The following IQGAP2 variants were observed in gnomAD, a reference collection of about 807,000 sequenced individuals.
The protein encoded by IQGAP2 is IQ motif containing GTPase activating protein 2.
In IQGAP2, 173 loss-of-function variants were observed where a neutral mutation model predicts 201.3. The ratio of observed to expected loss-of-function variants is 0.86; its 90% CI spans 0.76 to 0.98. The LOEUF (loss-of-function observed/expected upper bound fraction) is 0.98. Among genes scored for constraint, IQGAP2 ranks in the 50% least tolerant of loss-of-function variants. The pLI is 0.00. For missense variants in IQGAP2, 1,687 were observed against 1,864.8 expected, an observed-to-expected ratio of 0.90 and a Z score of 1.76; for synonymous variants, 675 against 673.9, an observed-to-expected ratio of 1.00 and a Z score of -0.03.
chr5:76,593,169 T>G (rs1208805130), intron 9 of IQGAP2, among the ~76,000 whole-genome samples: 1 of 152,246 alleles, frequency 6.6e-6, no homozygotes, highest in Non-Finnish European at 1.5e-5. Context: ...CCTTCCTGTT[T>G]CATTACATTC....
chr5:76,619,750 C>G (rs1749443170), intron 13 of IQGAP2, among the ~76,000 whole-genome samples: 1 of 152,030 alleles, frequency 6.6e-6, no homozygotes, highest in South Asian at 2.1e-4. Flanking sequence ...GATCTCCTGA[C>G]CTCGTGATCT....
chr5:76,678,425 T>TAA (rs112438447), intron 28 of IQGAP2, among the ~76,000 whole-genome samples: 1 of 143,818 alleles, frequency 7.0e-6, no homozygotes, highest in East Asian at 2.0e-4. Flanking sequence ...ACATTAAAAT[T>TAA]AAAAAAAAAA....
chr5:76,459,821 A>T lies in IQGAP2; in HGVS notation c.47-1749A>T, dbSNP rs181836047. On this transcript the variant is annotated intron_variant, in intron 1 of 35. Coordinates refer to ENST00000274364, the MANE Select transcript of IQGAP2 (RefSeq NM_006633.5). ...GCGCCTGGCTAATTTTTGTATTTTT[A>T]GTAGAGATGGGATTTCACCATGTTG... 2.9e-3 allele frequency among the ~76,000 whole-genome samples: 439 copies of T among 152,142 alleles called. 4 individuals are homozygous for T. Among genetic ancestry groups the T allele is most frequent in the African/African-American group, 9.9e-3 (412 of 41,530 alleles).
chr5:76,523,980 A>G lies in IQGAP2; in HGVS notation c.147-38416A>G, dbSNP rs1293460878. 2.0e-5 allele frequency among the ~76,000 whole-genome samples: 3 copies of G among 152,202 alleles called. No homozygotes were observed. In the East Asian group the frequency reaches 5.8e-4, roughly 29 times the overall value. ...GTCCATTACCCTGTGACCTTTTACC[A>G]ATACAGGTAAGAAATCTTAAACTCA... On this transcript the variant is annotated intron_variant, in intron 2 of 35. Transcript: ENST00000274364.
Position 76,641,088 on chromosome 5 carries a change from T to G in IQGAP2, c.2079T>G (p.Asn693Lys), listed in dbSNP as rs201322324. The G allele has an allele frequency of 1.5e-4, 237 of 1,601,038 alleles. 3 individuals carry two copies. In the Middle Eastern group the frequency reaches 1.7e-3, roughly 11 times the overall value. The change falls in exon 17 of 36, where the codon AAT (asparagine) becomes AAG (lysine). Residue 693 changes from asparagine to lysine, a missense_variant. Asn to Lys is a moderately conservative substitution (Grantham distance 94). Coordinates refer to ENST00000274364, the MANE Select transcript of IQGAP2 (RefSeq NM_006633.5). ...RKSFLHEQEE[N>K]VVKIQAFWKG... ...CATTTTTGCATGAACAAGAAGAGAATGTGGTCAAAATACAGGTATGTGGAT... is the reference window on the plus strand; with the variant it reads ...CATTTTTGCATGAACAAGAAGAGAAGGTGGTCAAAATACAGGTATGTGGAT...
At chr5:76,551,715 G>C (rs534199707) in intron 2 of IQGAP2, among the ~76,000 whole-genome samples, 4 of 152,028 alleles carry the variant, frequency 2.6e-5, no homozygotes, top group Non-Finnish European at 2.9e-5. Flanking sequence ...CCAGTCAGGC[G>C]TGGCTGCGCG....
At chr5:76,517,371 C>A (rs1326743380) in intron 2 of IQGAP2, among the ~76,000 whole-genome samples, 1 of 152,140 alleles carries the variant, frequency 6.6e-6, no homozygotes, top group Non-Finnish European at 1.5e-5. Context: ...TAACTGCATT[C>A]AACTCTTCAA....
intron 1 of IQGAP2, among the ~76,000 whole-genome samples, chr5:76,460,265 G>A (rs994464110): frequency 6.6e-6 from 1 of 152,200 alleles, no homozygotes; most frequent in Non-Finnish European, 1.5e-5. Flanking sequence ...GGCACCACCT[G>A]CAGAAGGTGG....
intron 2 of IQGAP2, among the ~76,000 whole-genome samples, chr5:76,527,757 G>T (rs1224590327): frequency 1.3e-5 from 2 of 152,106 alleles, no homozygotes; most frequent in Admixed American, 6.5e-5. Context: ...GCAAGCAAAG[G>T]GAAGAAATGT....
chr5:76,506,913 C>A (rs1273655526), intron 2 of IQGAP2, among the ~76,000 whole-genome samples: 2 of 152,108 alleles, frequency 1.3e-5, no homozygotes, highest in African/African-American at 4.8e-5. Context: ...AGATAGGAAC[C>A]CTCCATGTTG....
intron 17 of IQGAP2, among the ~76,000 whole-genome samples, chr5:76,644,295 C>CTTTTTTT (rs547155944): frequency 0.02 from 953 of 47,658 alleles, 217 homozygotes; most frequent in Non-Finnish European, 0.025. Flanking sequence ...TTTGTAAATC[C>CTTTTTTT]TTTTTTTTTT....
chr5:76,659,224 T>C (rs1203481367), intron 21 of IQGAP2, among the ~76,000 whole-genome samples: 1 of 152,204 alleles, frequency 6.6e-6, no homozygotes, highest in African/African-American at 2.4e-5. Flanking sequence ...TGAAATGAAA[T>C]CTATATGATA....
intron 2 of IQGAP2, among the ~76,000 whole-genome samples, chr5:76,521,364 A>G (rs1264303335): frequency 6.6e-6 from 1 of 152,144 alleles, no homozygotes; most frequent in Non-Finnish European, 1.5e-5. Flanking sequence ...TTACGTCACT[A>G]TTTCCTATTT....
chr5:76,588,952 T>C lies in IQGAP2; in HGVS notation c.505T>C (p.Leu169=). Reference sequence around the variant, plus strand: ...AATAGCACCCCAGATCCAGGATTTGTTGGGCAAAGTAGACTTCACAGGTAC... The same window carrying C: ...AATAGCACCCCAGATCCAGGATTTGCTGGGCAAAGTAGACTTCACAGGTAC... The part of the protein sequence containing the change: ...LGIAPQIQDL[L]GKVDFTEEEI... Residue 169 remains leucine (L), a synonymous_variant, in exon 6 of 36, where the codon TTG becomes CTG. Coordinates refer to ENST00000274364, the MANE Select transcript of IQGAP2 (RefSeq NM_006633.5). 5 of 1,608,878 alleles carry C rather than the reference T, an allele frequency of 3.1e-6. No homozygotes were observed. Among genetic ancestry groups the C allele is most frequent in the Non-Finnish European group, 4.3e-6 (5 of 1,175,806 alleles).
chr5:76,565,751 C>G (rs548358575), intron 3 of IQGAP2, among the ~76,000 whole-genome samples: 2 of 152,300 alleles, frequency 1.3e-5, no homozygotes, highest in African/African-American at 4.8e-5. Context: ...GATTCCATTC[C>G]TTTTCTTACC....
At position 76,532,547 on chromosome 5, in the gene IQGAP2, A is replaced by G. The variant is rs552338283; in HGVS notation, c.147-29849A>G. 2.0e-5 allele frequency among the ~76,000 whole-genome samples: 3 copies of G among 152,150 alleles called. No individual in the cohort carries two copies. The South Asian group carries it at 6.2e-4, about 32-fold the overall frequency. ...TGATATGGTGGTAAGACAGCCTCCT[A>G]TCCTGTAGGCGTGGTCAAGGTTTAA... is the stretch of plus-strand genomic sequence containing the variant. On this transcript the variant is annotated intron_variant, in intron 2 of 35. Transcript: ENST00000274364.
At chr5:76,620,377 C>G (rs1749525124) in intron 13 of IQGAP2, among the ~76,000 whole-genome samples, 1 of 152,000 alleles carries the variant, frequency 6.6e-6, no homozygotes, top group South Asian at 2.1e-4. Flanking sequence ...TTCTGATTGG[C>G]TTTGGGGTGC....
At chr5:76,485,229 C>T (rs1490358071) in intron 2 of IQGAP2, among the ~76,000 whole-genome samples, 1 of 152,144 alleles carries the variant, frequency 6.6e-6, no homozygotes, top group Non-Finnish European at 1.5e-5. Context: ...CAGGCCAGAA[C>T]CCAATTCTCT....
chr5:76,534,514 A>G (rs569677882), intron 2 of IQGAP2, among the ~76,000 whole-genome samples: 6 of 152,364 alleles, frequency 3.9e-5, no homozygotes, highest in African/African-American at 1.4e-4. Flanking sequence ...TACGTTCTCT[A>G]TGAATCTTTT....
Sources: allele counts gnomAD v4.1 joint callset (sites outside exome capture counted in the v4.1 genomes callset), GRCh38; gene constraint gnomAD v4.1.1; transcripts MANE v1.5; gene names NCBI Gene and HGNC (gene_info 2026-07-23, HGNC 2026-07-21).